Variants in KRT85 observed in about 807,000 individuals in gnomAD.
KRT85 encodes keratin, type II cuticular Hb5.
A neutral mutation model predicts 53.7 loss-of-function variants in KRT85; 39 were observed. The ratio of observed to expected loss-of-function variants is 0.73; its 90% CI spans 0.56 to 0.95. KRT85 has a LOEUF of 0.95. Among genes scored for constraint, KRT85 ranks in the 40% least tolerant of loss-of-function variants. The pLI, the probability that KRT85 is intolerant of heterozygous loss-of-function variation, is 0.00. For missense variants in KRT85, 668 were observed against 686.0 expected (o/e 0.97, Z 0.29); for synonymous variants, 291 against 277.5 (o/e 1.05, Z -0.48).
intron 5 of KRT85, 39 bp downstream of exon 5, chr12:52,363,207 A>G: frequency 6.2e-7 from 1 of 1,612,148 alleles, no homozygotes; most frequent in Non-Finnish European, 8.5e-7. Context: ...CTTCCCTCCC[A>G]CTGCCATGCT....
In KRT85 at chr12:52,362,404, C is replaced by A. The variant is rs373825859; in HGVS notation, c.1145G>T (p.Arg382Leu). The change falls in exon 7 of 9, where the codon CGC becomes CTC. Residue 382 changes from arginine (R) to leucine (L), a missense_variant. Coordinates refer to ENST00000257901, the MANE Select transcript of KRT85 (RefSeq NM_002283.4). ...GCCCTCCAGCTCAGCCAGCTTGCAGCGGGCATCGCTGAGGGCCGCCTCACC... is the reference window on the plus strand; with the variant it reads ...GCCCTCCAGCTCAGCCAGCTTGCAGAGGGCATCGCTGAGGGCCGCCTCACC... ...QQGEAALSDA[R>L]CKLAELEGAL... is the part of the protein sequence containing the mutation. The A allele has an allele frequency of 1.2e-6, 2 of 1,614,174 alleles. No individual in the cohort carries two copies. The highest frequency in any genetic ancestry group is 1.7e-5 in the Admixed American group (1 of 60,030).
chr12:52,365,252 G>A, intron 1 of KRT85, 82 bp from the exon 2 acceptor site: 1 of 1,454,858 alleles, frequency 6.9e-7, no homozygotes, highest in Non-Finnish European at 9.6e-7. Context: ...GCCCTCGGGT[G>A]CTGGCTGAAT....
intron 2 of KRT85, 53 bp from the exon 3 acceptor site, chr12:52,364,419 A>G (rs1939242102): frequency 6.2e-7 from 1 of 1,614,098 alleles, no homozygotes; most frequent in Non-Finnish European, 8.5e-7. Context: ...CTTGAATACC[A>G]TCCCAACTCC....
At position 52,363,422 on chromosome 12, in the gene KRT85, A is replaced by G; in HGVS notation, c.787-12T>C. The G allele has an allele frequency of 6.2e-7, 1 of 1,614,100 alleles. No homozygotes were observed. Among genetic ancestry groups the G allele is most frequent in the Non-Finnish European group, 8.5e-7 (1 of 1,180,018 alleles). ...AGAACGCGGATCTCCTGTGGGGCCA[A>G]CAGCCAGTGCATTTGCTTCTAGTGC... is the stretch of plus-strand genomic sequence containing the variant. On this transcript the variant is annotated splice_polypyrimidine_tract_variant and intron_variant, in intron 4 of 8. Coordinates refer to ENST00000257901, the MANE Select transcript of KRT85 (RefSeq NM_002283.4).
chr12:52,363,983 A>G (rs1939233416), intron 4 of KRT85, 85 bp downstream of exon 4: 1 of 1,022,410 alleles, frequency 9.8e-7, no homozygotes, highest in East Asian at 2.4e-5. Context: ...AAACATAGGC[A>G]CACACATGCA....
chr12:52,361,634 G>T lies in KRT85; in HGVS notation c.1299-136C>A. ...AGGCAAGAAGGGCTCCCTCAAATCT[G>T]CATTAAATGCTTTCTTTCTTTGATG... On this transcript the variant is annotated intron_variant, in intron 7 of 8. Transcript: ENST00000257901. The T allele has an allele frequency of 7.7e-6, 6 of 781,062 alleles. No homozygotes were observed. The South Asian group carries it at 8.6e-5, about 11-fold the overall frequency. The allele number at this position is 781,062 out of a possible 1,614,324, so 48.4% of individuals were successfully genotyped here.
chr12:52,367,262 C>T lies in KRT85; in HGVS notation c.144G>A (p.Leu48=). The change falls in exon 1 of 9, where the codon CTG becomes CTA. Residue 48 remains leucine, a synonymous_variant. Transcript: ENST00000257901. ...AGAGGCTGCGGCTGCCGAAGCCCGTCAGCCCTCGGTAGCAGGACACCCCTC... is the reference window on the plus strand; with the variant it reads ...AGAGGCTGCGGCTGCCGAAGCCCGTTAGCCCTCGGTAGCAGGACACCCCTC... The part of the protein sequence containing the change: ...PYRGVSCYRG[L]TGFGSRSLCN... The T allele has an allele frequency of 3.7e-6, 6 of 1,612,252 alleles. No homozygotes were observed. Among genetic ancestry groups the T allele is most frequent in the Non-Finnish European group, 5.1e-6 (6 of 1,178,714 alleles).
chr12:52,363,963 G>T, intron 4 of KRT85, 105 bp downstream of exon 4: 1 of 893,402 alleles, frequency 1.1e-6, no homozygotes. Flanking sequence ...CACTTACATT[G>T]CACATTGGCA....
chr12:52,361,082 C>T, intron 8 of KRT85, 36 bp from the exon 9 acceptor site: 1 of 1,550,438 alleles, frequency 6.4e-7, no homozygotes, highest in South Asian at 1.2e-5. Context: ...GTGAGCAGCT[C>T]CCTGCAATCT....
In KRT85 at chr12:52,367,369, C is replaced by T. The variant is rs140664015; in HGVS notation, c.37G>A (p.Gly13Arg). The T allele has an allele frequency of 2.5e-6, 4 of 1,613,980 alleles. No individual in the cohort carries two copies. In the Admixed American group the frequency reaches 5.0e-5, roughly 20 times the overall value. The change falls in exon 1 of 9, where the codon GGG (glycine) becomes AGG (arginine). Residue 13 changes from glycine to arginine, a missense_variant. Around this residue, in one of 3 missense-constraint regions of KRT85, gnomAD observed 158 missense variants for 141.8 expected, o/e 1.11. Coordinates refer to ENST00000257901, the MANE Select transcript of KRT85 (RefSeq NM_002283.4). ...CAGGAGCTGAAGTTCCTGGTGACCC[C>T]GCATCCTGAGCTGATCCTGTAGGAG... ...CRSYRISSGCGVTRNFSSCSA... is the reference protein window; with the variant it reads ...CRSYRISSGCRVTRNFSSCSA...
Position 52,367,217 on chromosome 12 carries a change from C to A in KRT85, c.189G>T (p.Gly63=). Residue 63 remains glycine (G), a synonymous_variant, in exon 1 of 9, where the codon GGG becomes GGT. Transcript: ENST00000257901. ...SRSLCNLGSC[G]PRIAVGGFRA... is the part of the protein sequence containing the mutation. ...GGAAGCCACCTACAGCTATCCGGGG[C>A]CCGCAGGAGCCCAGGTTGCAGAGGC... is the stretch of plus-strand genomic sequence containing the variant. The A allele has an allele frequency of 6.8e-6, 11 of 1,613,440 alleles. No homozygotes were observed. Among genetic ancestry groups the A allele is most frequent in the Non-Finnish European group, 9.3e-6 (11 of 1,179,652 alleles).
chr12:52,362,481 G>A lies in KRT85; in HGVS notation c.1078-10C>T, dbSNP rs900252501. On this transcript the variant is annotated splice_polypyrimidine_tract_variant and intron_variant, in intron 6 of 8. Coordinates refer to ENST00000257901, the MANE Select transcript of KRT85 (RefSeq NM_002283.4). ...CCTCCAGCTTGGCACGCTATCAGGT[G>A]GAGATACAAGGGCCAGGATGAGAAA... The A allele has an allele frequency of 1.2e-6, 2 of 1,613,866 alleles. No homozygotes were observed. The highest frequency in any genetic ancestry group is 2.2e-5 in the East Asian group (1 of 44,860).
intron 5 of KRT85, 103 bp from the exon 6 acceptor site, chr12:52,363,082 C>A (rs1939217894): frequency 6.3e-7 from 1 of 1,580,904 alleles, no homozygotes; most frequent in East Asian, 2.3e-5. Context: ...GCCTGTGCAA[C>A]CACACATGGC....
intron 1 of KRT85, among the ~76,000 whole-genome samples, chr12:52,366,678 CACACACACATAT>C (rs1303548765): frequency 6.1e-5 from 3 of 49,396 alleles, no homozygotes; most frequent in Non-Finnish European, 1.6e-4. Flanking sequence ...CACACATGTA[CACACACACATAT>C]ACACACCACA....
rs557781002 is a variant in KRT85, at chr12:52,366,630, CAT to C, written c.420+354_420+355del. ...CAAGAAACACACACACGCTCACACACATGTACACACTCACATGCATACACACA... is the reference window on the plus strand; with the variant it reads ...CAAGAAACACACACACGCTCACACACGTACACACTCACATGCATACACACA... On this transcript the variant is annotated intron_variant, in intron 1 of 8. Coordinates refer to ENST00000257901, the MANE Select transcript of KRT85 (RefSeq NM_002283.4). 8.5e-5 allele frequency among the ~76,000 whole-genome samples: 13 copies of C among 152,236 alleles called. No homozygotes were observed. In the South Asian group the frequency reaches 1.7e-3, roughly 19 times the overall value.
At chr12:52,361,340 C>T in intron 8 of KRT85, 127 bp downstream of exon 8, 1 of 901,210 alleles carries the variant, frequency 1.1e-6, no homozygotes, top group Non-Finnish European at 1.9e-6. Context: ...GTCATGGCCC[C>T]CACTGAGGAG....
At position 52,363,321 on chromosome 12, in the gene KRT85, G is replaced by A. The variant is rs1424158624; in HGVS notation, c.876C>T (p.Ile292=). 3.7e-6 allele frequency: 6 copies of A among 1,614,168 alleles called. No homozygotes were observed. The highest frequency in any genetic ancestry group is 3.3e-5 in the South Asian group (3 of 91,086). The change falls in exon 5 of 9, where the codon ATC becomes ATT. Residue 292 remains isoleucine, a synonymous_variant. Coordinates refer to ENST00000257901, the MANE Select transcript of KRT85 (RefSeq NM_002283.4). ...NSRDLNMDCI[I]AEIKAQYDDV... ...CGTCATACTGAGCCTTGATCTCAGC[G>A]ATGATGCAGTCCATGTTCAGGTCTC...
rs112554450 is a variant in KRT85 at position 52,365,026 on chromosome 12, C to T, written c.565G>A (p.Asp189Asn). Reference protein sequence around the residue: ...LRREAECVEADSGRLASELNH... With the variant: ...LRREAECVEANSGRLASELNH... ...AGCTCTGAGGCCAGCCTCCCGCTGT[C>T]GGCCTCCACGCACTCGGCCTCCCGC... The change falls in exon 2 of 9, where the codon GAC becomes AAC. Residue 189 changes from aspartate to asparagine, a missense_variant. Around this residue, in one of 3 missense-constraint regions of KRT85, gnomAD observed 488 missense variants for 498.1 expected, o/e 0.98. Coordinates refer to ENST00000257901, the MANE Select transcript of KRT85 (RefSeq NM_002283.4). 44,910 of 1,613,254 alleles carry T rather than the reference C, an allele frequency of 0.028. 769 individuals carry two copies. Among genetic ancestry groups the T allele is most frequent in the Middle Eastern group, 0.033 (174 of 5,260 alleles).
Position 52,363,387 on chromosome 12 carries a change from G to A in KRT85, c.810C>T (p.His270=). 2 of 1,614,176 alleles carry A rather than the reference G, an allele frequency of 1.2e-6. No individual in the cohort carries two copies. Among genetic ancestry groups the A allele is most frequent in the Non-Finnish European group, 1.7e-6 (2 of 1,180,042 alleles). ...YEEEIRVLQA[H]ISDTSVIVKM... is the part of the protein sequence containing the mutation. ...TGACTATGACCGAGGTGTCTGAGAT[G>A]TGGGCTTGGAGAACGCGGATCTCCT... Residue 270 remains histidine, a synonymous_variant, in exon 5 of 9, where the codon CAC becomes CAT. Transcript: ENST00000257901.
Sources: allele counts gnomAD v4.1 joint callset (sites outside exome capture counted in the v4.1 genomes callset), GRCh38; gene constraint gnomAD v4.1.1; regional missense constraint gnomAD v4.1.1; transcripts MANE v1.5; gene names NCBI Gene and HGNC (gene_info 2026-07-23, HGNC 2026-07-21).